The following KRT15 variants were observed in gnomAD, a reference collection of about 807,000 sequenced individuals.
KRT15 encodes keratin, type I cytoskeletal 15.
In KRT15, 45 loss-of-function variants were observed where a neutral mutation model predicts 46.6. The observed-to-expected ratio is 0.97, with a 90% CI of 0.76 to 1.24. The LOEUF is 1.24. Among genes scored for constraint, KRT15 ranks in the 50% most tolerant of loss-of-function variants. The pLI is 0.00. For synonymous variants in KRT15, 221 were observed against 233.8 expected, an observed-to-expected ratio of 0.95 and a Z score of 0.50; for missense variants, 592 against 588.9, an observed-to-expected ratio of 1.01 and a Z score of -0.05.
At chr17:41,515,860 T>C in intron 5 of KRT15, 25 bp downstream of exon 5, 1 of 1,613,646 alleles carries the variant, frequency 6.2e-7, no homozygotes, top group Non-Finnish European at 8.5e-7. Flanking sequence ...CCCGAGAGGC[T>C]GGGATGGGGC....
intron 3 of KRT15, 96 bp from the exon 4 acceptor site, chr17:41,516,361 C>T: frequency 7.6e-7 from 1 of 1,319,468 alleles, no homozygotes; most frequent in South Asian, 1.3e-5. Context: ...GCCCGTAACA[C>T]ACCCCAACCG....
At chr17:41,517,876 C>T (rs992544012) in intron 1 of KRT15, among the ~76,000 whole-genome samples, 15 of 152,006 alleles carry the variant, frequency 9.9e-5, no homozygotes, top group Admixed American at 5.9e-4. Flanking sequence ...GTAGGGAGGG[C>T]GAGTTGCTCT....
intron 6 of KRT15, 79 bp downstream of exon 6, chr17:41,515,393 C>T: frequency 7.9e-7 from 1 of 1,269,822 alleles, no homozygotes; most frequent in Non-Finnish European, 1.1e-6. Flanking sequence ...TAGGGACACC[C>T]TGCCATTCCC....
intron 5 of KRT15, 91 bp from the exon 6 acceptor site, chr17:41,515,783 A>G (rs1292308920): frequency 5.6e-6 from 9 of 1,599,982 alleles, no homozygotes; most frequent in Non-Finnish European, 6.8e-6. Context: ...AGTTCAGGGA[A>G]CCACCTCTTG....
chr17:41,517,510 A>T (rs928058759), intron 1 of KRT15: 10 of 334,716 alleles, frequency 3.0e-5, no homozygotes, highest in African/African-American at 2.1e-4. Context: ...GCTCTCTCAG[A>T]GACACTCCAC....
At position 41,513,879 on chromosome 17, in the gene KRT15, G is replaced by T; in HGVS notation, c.*144C>A. 1.4e-6 allele frequency: 1 copy of T among 697,846 alleles called. No homozygotes were observed. The allele number at this position is 697,846 out of a possible 1,614,324, so 43.2% of individuals were successfully genotyped here. On this transcript the variant is annotated 3_prime_UTR_variant, in exon 8 of 8. Transcript: ENST00000254043. ...AGAGGGGGAATAGAGCGCATGCAAA[G>T]CCCTGAAATAAAAGACCGAGGGACC...
At chr17:41,516,478 C>G (rs887161558) in intron 3 of KRT15, among the ~76,000 whole-genome samples, 1 of 152,118 alleles carries the variant, frequency 6.6e-6, no homozygotes, top group Non-Finnish European at 1.5e-5. Context: ...GACTGTAGGG[C>G]CCTGATGTGA....
intron 3 of KRT15, 105 bp from the exon 4 acceptor site, chr17:41,516,370 C>T (rs1008387478): frequency 2.5e-5 from 30 of 1,218,836 alleles, no homozygotes; most frequent in Middle Eastern, 2.1e-4. Context: ...ACACCCCAAC[C>T]GCTGTTCCCC....
chr17:41,515,836 G>C, intron 5 of KRT15, 49 bp downstream of exon 5: 1 of 1,613,306 alleles, frequency 6.2e-7, no homozygotes. Flanking sequence ...CAGGAAGAGT[G>C]GGAGCTTCTA....
chr17:41,518,224 G>C, intron 1 of KRT15, 106 bp downstream of exon 1: 1 of 1,333,910 alleles, frequency 7.5e-7, no homozygotes. Flanking sequence ...GACAGTCATT[G>C]CCTGGGCAGG....
chr17:41,513,855 G>A lies in KRT15; in HGVS notation c.*168C>T, dbSNP rs537343494. 3.5e-5 allele frequency: 22 copies of A among 626,086 alleles called. No individual in the cohort carries two copies. In the South Asian group the frequency reaches 3.7e-4, roughly 10 times the overall value. 38.8% of individuals were successfully genotyped at this position (626,086 alleles called of 1,614,324 possible). A position where few individuals can be genotyped will look rare whatever the true frequency, so the allele number is the denominator to read the frequency against. ...GCTCCAAAGAAGGTGGGGAGAGGCA[G>A]AGGGGGAATAGAGCGCATGCAAAGC... On this transcript the variant is annotated 3_prime_UTR_variant, in exon 8 of 8. Transcript: ENST00000254043.
At position 41,517,169 on chromosome 17, in the gene KRT15, C is replaced by T; in HGVS notation, c.499-4G>A. 6.2e-7 allele frequency: 1 copy of T among 1,613,678 alleles called. No individual in the cohort carries two copies. Among genetic ancestry groups the T allele is most frequent in the Non-Finnish European group, 8.5e-7 (1 of 1,179,712 alleles). On this transcript the variant is annotated splice_region_variant and splice_polypyrimidine_tract_variant and intron_variant, in intron 1 of 7. Transcript: ENST00000254043. ...TGTCGATGGTGGTGGCCATGATCTG[C>T]AGGAGACAGAGTCGGTGTCTAGAGG...
chr17:41,516,861 G>A lies in KRT15; in HGVS notation c.685C>T (p.Gln229Ter), dbSNP rs776759431. 1.9e-6 allele frequency: 3 copies of A among 1,614,202 alleles called. No homozygotes were observed. The highest frequency in any genetic ancestry group is 2.2e-5 in the South Asian group (2 of 91,088). The part of the protein sequence containing the change: ...LTLARTDLEM[Q>*]IEGLNEELAY... ...AGCTCCTCATTCAGGCCCTCGATCT[G>A]CATCTCCAGGTCAGTCCTGGCCAGG... Residue 229 changes from glutamine to a stop codon, truncating the protein, a stop_gained, in exon 3 of 8, where the codon CAG (glutamine) becomes TAG (stop). Coordinates refer to ENST00000254043, the MANE Select transcript of KRT15 (RefSeq NM_002275.4). LOFTEE classifies it high-confidence loss of function.
chr17:41,516,390 G>T, intron 3 of KRT15, 125 bp from the exon 4 acceptor site: 1 of 1,061,906 alleles, frequency 9.4e-7, no homozygotes, highest in East Asian at 2.4e-5. Context: ...CATTGCACAT[G>T]AAGAGGTTTG....
intron 1 of KRT15, among the ~76,000 whole-genome samples, chr17:41,517,827 A>G (rs1905459702): frequency 6.6e-6 from 1 of 152,192 alleles, no homozygotes; most frequent in African/African-American, 2.4e-5. Flanking sequence ...CAAAAGAGGT[A>G]AAGGAATACT....
In KRT15 at chr17:41,518,646, C is replaced by A; in HGVS notation, c.182G>T (p.Gly61Val). The change falls in exon 1 of 8, where the codon GGG (glycine) becomes GTG (valine). Residue 61 changes from glycine to valine, a missense_variant. By Grantham distance (109) the Gly-to-Val change is moderately radical. Coordinates refer to ENST00000254043, the MANE Select transcript of KRT15 (RefSeq NM_002275.4). The stretch of plus-strand genomic sequence containing the variant: ...AAAGCCACAGACCCTCATGCCACCC[C>A]CATATCCTCCTCCTGACCCTGAAGA... ...FVSSGSGGGY[G>V]GGMRVCGFGG... The A allele has an allele frequency of 1.2e-6, 2 of 1,613,470 alleles. No homozygotes were observed. The highest frequency in any genetic ancestry group is 2.2e-5 in the South Asian group (2 of 91,024).
chr17:41,514,126 G>T lies in KRT15; in HGVS notation c.1274-6C>A. 6.2e-7 allele frequency: 1 copy of T among 1,611,162 alleles called. No homozygotes were observed. The highest frequency in any genetic ancestry group is 1.3e-5 in the African/African-American group (1 of 74,980). ...ACCACCACCTCCTGAAGAGGCTAGA[G>T]AGAGAAGGAGTAGGCTTTAGAGTGG... On this transcript the variant is annotated splice_polypyrimidine_tract_variant and splice_region_variant and intron_variant, in intron 7 of 7. Coordinates refer to ENST00000254043, the MANE Select transcript of KRT15 (RefSeq NM_002275.4).
chr17:41,517,294 A>T (rs1905433661), intron 1 of KRT15, 129 bp from the exon 2 acceptor site: 1 of 753,388 alleles, frequency 1.3e-6, no homozygotes, highest in Non-Finnish European at 2.2e-6. Context: ...CACCACCAAC[A>T]AAAATCTGTA....
rs776189615 is a variant in KRT15, at chr17:41,515,837, G to A, written c.1026+48C>T. 7 of 1,613,266 alleles carry A rather than the reference G, an allele frequency of 4.3e-6. No homozygotes were observed. The South Asian group carries it at 7.7e-5, about 18-fold the overall frequency. On this transcript the variant is annotated intron_variant, in intron 5 of 7. Coordinates refer to ENST00000254043, the MANE Select transcript of KRT15 (RefSeq NM_002275.4). Reference sequence around the variant, plus strand: ...AAGGCTTAAATAGCCAGGAAGAGTGGGAGCTTCTACCACCCGAGAGGCTGG... The same window carrying A: ...AAGGCTTAAATAGCCAGGAAGAGTGAGAGCTTCTACCACCCGAGAGGCTGG...
Sources: gnomAD v4.1 joint callset for allele counts (sites outside exome capture counted in the v4.1 genomes callset) on GRCh38, gnomAD v4.1.1 for gene constraint, MANE v1.5 for transcripts, NCBI Gene and HGNC (gene_info 2026-07-23, HGNC 2026-07-21) for gene names.